Variants in GSN observed in about 807,000 individuals in gnomAD.
The protein encoded by GSN is actin-depolymerizing factor.
GSN carries 56 observed loss-of-function variants against 85.7 expected under a neutral mutation model. The observed-to-expected ratio is 0.65, with a 90% CI of 0.53 to 0.82. GSN has a LOEUF of 0.82. Ranked by LOEUF, GSN falls within the 40% of genes least tolerant of loss-of-function variation. The pLI is 0.00. For synonymous variants in GSN, 373 were observed against 399.1 expected (o/e 0.93, Z 0.78); for missense variants, 857 against 979.8 (o/e 0.87, Z 1.67).
chr9:121,248,752 T>G (rs778592183), intron 6 of GSN, among the ~76,000 whole-genome samples: 4 of 152,048 alleles, frequency 2.6e-5, no homozygotes, highest in Non-Finnish European at 5.9e-5. Flanking sequence ...AGAGAGCAAA[T>G]GCCTTAGAAG....
At chr9:121,324,775 AT>A in intron 12 of GSN, 131 bp downstream of exon 12, 1 of 673,698 alleles carries the variant, frequency 1.5e-6, no homozygotes. Flanking sequence ...CCATCCATCC[AT>A]CCATCCATCC....
chr9:121,308,214 G>A (rs1407088702), intron 4 of GSN, among the ~76,000 whole-genome samples: 3 of 152,218 alleles, frequency 2.0e-5, no homozygotes, highest in Non-Finnish European at 4.4e-5. Context: ...AGCACTGGCC[G>A]CCCTGCTAGT....
intron 6 of GSN, chr9:121,313,707 A>G: frequency 3.3e-6 from 2 of 599,502 alleles, no homozygotes; most frequent in South Asian, 3.8e-5. Context: ...GCAGAGGAGC[A>G]GGAGTGTTCT....
intron 6 of GSN, among the ~76,000 whole-genome samples, chr9:121,259,606 G>A (rs1305176966): frequency 6.6e-6 from 1 of 152,196 alleles, no homozygotes; most frequent in Admixed American, 6.5e-5. Flanking sequence ...GTGGGAAGGG[G>A]ATGAGATGAG....
chr9:121,286,059 A>C, intron 2 of GSN: 1 of 1,487,256 alleles, frequency 6.7e-7, no homozygotes, highest in Non-Finnish European at 9.1e-7. Flanking sequence ...CTATTTCCAG[A>C]CTAATCCTGA....
intron 4 of GSN, among the ~76,000 whole-genome samples, chr9:121,215,225 C>CCA (rs1554773162): frequency 1.3e-5 from 2 of 149,684 alleles, no homozygotes; most frequent in African/African-American, 4.9e-5. Context: ...ACCCCCCCCC[C>CCA]CACACTCATA....
At chr9:121,202,218 T>G in the GSN span, among the ~76,000 whole-genome samples, 1 of 152,232 alleles carries the variant, frequency 6.6e-6, no homozygotes, top group African/African-American at 2.4e-5. Context: ...TTTTGAACAA[T>G]TTTTAAAGCC....
chr9:121,286,129 C>T (rs1422189980), intron 2 of GSN: 4 of 1,534,164 alleles, frequency 2.6e-6, no homozygotes, highest in Non-Finnish European at 3.5e-6. Context: ...CCACATAGCT[C>T]CCCCCAGCCT....
chr9:121,302,060 T>G lies in GSN; in HGVS notation c.89T>G (p.Val30Gly), dbSNP rs778740783. The G allele has an allele frequency of 2.8e-5, 45 of 1,614,120 alleles. No individual in the cohort carries two copies. The highest frequency in any genetic ancestry group is 3.7e-5 in the Non-Finnish European group (44 of 1,180,036). ...WRVEKFDLVP[V>G]PTNLYGDFFT... Reference sequence around the variant, plus strand: ...GTGGAGAAGTTCGATCTGGTGCCCGTGCCCACCAACCTTTATGGAGACTTC... The same window carrying G: ...GTGGAGAAGTTCGATCTGGTGCCCGGGCCCACCAACCTTTATGGAGACTTC... The change falls in exon 3 of 18, where the codon GTG (valine) becomes GGG (glycine). Residue 30 changes from valine to glycine, a missense_variant. Transcript: ENST00000432226.
intron 4 of GSN, among the ~76,000 whole-genome samples, chr9:121,307,252 C>T (rs2060515993): frequency 6.6e-6 from 1 of 152,064 alleles, no homozygotes; most frequent in Non-Finnish European, 1.5e-5. Flanking sequence ...CATGAAGCAA[C>T]CCTTTTCCTT....
Position 121,228,422 on chromosome 9 carries a change from ATATTTTTTTTTTTT to A in GSN, c.-527-2741_-527-2728del, listed in dbSNP as rs2054316861. Among the ~76,000 whole-genome samples the A allele has an allele frequency of 5.2e-5, 3 of 58,186 alleles. 1 individual carries two copies. The highest frequency in any genetic ancestry group is 2.1e-4 in the Admixed American group (1 of 4,712). 38.2% of individuals were successfully genotyped at this position (58,186 alleles called of 152,430 possible). The stretch of plus-strand genomic sequence containing the variant: ...GATTAACATATATATATATATATAT[ATATTTTTTTTTTTT>A]TTTTTTTTTTTTTTTGAGATAGGGT... On this transcript the variant is annotated intron_variant, in intron 4 of 24. Coordinates refer to the GSN transcript ENST00000373823.
chr9:121,282,886 C>T, intron 2 of GSN: 1 of 231,142 alleles, frequency 4.3e-6, no homozygotes, highest in Non-Finnish European at 9.1e-6. Flanking sequence ...GCCAGGCTGG[C>T]ATAGACCCAG....
chr9:121,233,277 A>C (rs559453957), intron 5 of GSN, among the ~76,000 whole-genome samples: 51 of 152,244 alleles, frequency 3.3e-4, no homozygotes, highest in Admixed American at 1.8e-3. Context: ...CAGCCTGATT[A>C]ACATGGTGAA....
intron 11 of GSN, among the ~76,000 whole-genome samples, chr9:121,321,672 A>G (rs943658746): frequency 1.3e-5 from 2 of 152,230 alleles, no homozygotes; most frequent in Non-Finnish European, 2.9e-5. Flanking sequence ...TACTAGGCAC[A>G]CTAGGGTTTA....
At chr9:121,297,530 A>G (rs767772164) in intron 2 of GSN, among the ~76,000 whole-genome samples, 1 of 152,180 alleles carries the variant, frequency 6.6e-6, no homozygotes, top group African/African-American at 2.4e-5. Flanking sequence ...CGGCCTTAAC[A>G]GTTTGGTGCT....
chr9:121,286,812 A>C (rs907719150), intron 2 of GSN: 5 of 1,402,268 alleles, frequency 3.6e-6, no homozygotes, highest in Non-Finnish European at 4.9e-6. Flanking sequence ...TTCGGACTTC[A>C]GAGTCAGACA....
rs2061961379 is a variant in GSN at position 121,318,354 on chromosome 9, C to T, written c.887-52C>T. The T allele has an allele frequency of 1.4e-6, 2 of 1,387,748 alleles. No individual in the cohort carries two copies. Among genetic ancestry groups the T allele is most frequent in the East Asian group, 4.6e-5 (2 of 43,754 alleles). The allele number at this position is 1,387,748 out of a possible 1,614,324, so 86.0% of individuals were successfully genotyped here. Reference sequence around the variant, plus strand: ...TCCTGGACTGTTAAAGGTCAGGATGCAGCAGGATCCCGGGCCTCTAACCCT... The same window carrying T: ...TCCTGGACTGTTAAAGGTCAGGATGTAGCAGGATCCCGGGCCTCTAACCCT... On this transcript the variant is annotated intron_variant, in intron 8 of 17. Coordinates refer to ENST00000432226, the MANE Select transcript of GSN (RefSeq NM_198252.3). This position sits in a 1 kb window ranked among gnomAD's most constrained non-coding sequence, Gnocchi z 4.3.
At chr9:121,245,524 T>C (rs564910528) in intron 5 of GSN, among the ~76,000 whole-genome samples, 2 of 152,238 alleles carry the variant, frequency 1.3e-5, no homozygotes, top group Non-Finnish European at 2.9e-5. Flanking sequence ...GCCCAGTTAA[T>C]TTTTTAAAAA....
At chr9:121,295,667 G>A (rs1417698225) in intron 2 of GSN, among the ~76,000 whole-genome samples, 1 of 152,210 alleles carries the variant, frequency 6.6e-6, no homozygotes, top group Non-Finnish European at 1.5e-5. Context: ...AGCTGGTTGT[G>A]TTGTGGAGGT....
Sources: gnomAD v4.1 joint callset for allele counts (sites outside exome capture counted in the v4.1 genomes callset) on GRCh38, gnomAD v4.1.1 for gene constraint, Gnocchi (gnomAD v3.1) non-coding constraint, MANE v1.5 for transcripts, NCBI Gene and HGNC (gene_info 2026-07-23, HGNC 2026-07-21) for gene names.